Variants in SLC11A2 observed in about 807,000 individuals in gnomAD.
SLC11A2 encodes the protein natural resistance-associated macrophage protein 2.
Under a neutral mutation model 68.0 loss-of-function variants are expected in SLC11A2, and 38 were observed. That is an observed-to-expected ratio of 0.56 (90% confidence interval 0.43 to 0.73). SLC11A2 has a LOEUF of 0.73. SLC11A2 is among the 30% of genes least tolerant of loss of function. The pLI, the probability that SLC11A2 is intolerant of heterozygous loss-of-function variation, is 0.00. For missense variants in SLC11A2, 517 were observed against 690.5 expected (o/e 0.75, Z 2.82); for synonymous variants, 242 against 250.6 (o/e 0.97, Z 0.32).
At chr12:50,956,486 G>A in the SLC11A2 span, among the ~76,000 whole-genome samples, 8 of 152,242 alleles carry the variant, frequency 5.3e-5, no homozygotes, top group African/African-American at 1.7e-4. Context: ...CAGGATGGAG[G>A]GTCCTATGCA....
At position 51,005,450 on chromosome 12, in the gene SLC11A2, G is replaced by A; in HGVS notation, c.184-14C>T. On this transcript the variant is annotated splice_polypyrimidine_tract_variant and intron_variant, in intron 3 of 15. Transcript: ENST00000262052. ...AAAACAAGAGTACTGTACAAGAGAGGAAAAGAGATTAAACTGAACATCACC... is the reference window on the plus strand; with the variant it reads ...AAAACAAGAGTACTGTACAAGAGAGAAAAAGAGATTAAACTGAACATCACC... 1 of 1,613,124 alleles carries A rather than the reference G, an allele frequency of 6.2e-7. No homozygotes were observed. The highest frequency in any genetic ancestry group is 1.3e-5 in the African/African-American group (1 of 74,982).
In SLC11A2 at chr12:50,994,637, C is replaced by T; in HGVS notation, c.991-7G>A. 1 of 1,594,670 alleles carries T rather than the reference C, an allele frequency of 6.3e-7. No homozygotes were observed. Among genetic ancestry groups the T allele is most frequent in the Non-Finnish European group, 8.6e-7 (1 of 1,162,290 alleles). ...TATTTGTACAGACTTCAACCTAGAACCCAAAGCAATTCAACAGCAACTTTT... is the reference window on the plus strand; with the variant it reads ...TATTTGTACAGACTTCAACCTAGAATCCAAAGCAATTCAACAGCAACTTTT... On this transcript the variant is annotated splice_region_variant and splice_polypyrimidine_tract_variant and intron_variant, in intron 10 of 15. Transcript: ENST00000262052.
In SLC11A2 at chr12:51,000,399, C is replaced by T; in HGVS notation, c.450G>A (p.Trp150Ter). The T allele has an allele frequency of 6.2e-7, 1 of 1,613,728 alleles. No homozygotes were observed. The change falls in exon 6 of 16, where the codon TGG (tryptophan) becomes TGA (stop). Residue 150 changes from tryptophan (W) to a stop codon, truncating the protein, a stop_gained. Coordinates refer to ENST00000262052, the MANE Select transcript of SLC11A2 (RefSeq NM_000617.3). LOFTEE classifies it high-confidence loss of function. ...CGATGATAGCCAACTCCACCATCAG[C>T]CACAGGATGACTCGTGGGACCTAAA... ...QYPKVPRVIL[W>*]LMVELAIIGS...
the SLC11A2 span, among the ~76,000 whole-genome samples, chr12:50,952,606 AC>A: frequency 6.6e-6 from 1 of 152,130 alleles, no homozygotes; most frequent in African/African-American, 2.4e-5. Context: ...CAGGTCTCAC[AC>A]ACAGGCGCAG....
chr12:50,955,714 C>G, the SLC11A2 span, among the ~76,000 whole-genome samples: 2 of 152,106 alleles, frequency 1.3e-5, no homozygotes, highest in East Asian at 3.9e-4. Flanking sequence ...ATAATAGCAC[C>G]CATAAGAAAT....
chr12:50,986,505 C>G lies in SLC11A2; in HGVS notation c.*1820G>C. On this transcript the variant is annotated 3_prime_UTR_variant, in exon 16 of 16. Transcript: ENST00000262052. ...CCTAGGCTCCTAAATGCTTGTAAAT[C>G]TGAGACTGACTGGACCCACCCAGAC... 1 of 1,285,022 alleles carries G rather than the reference C, an allele frequency of 7.8e-7. No individual in the cohort carries two copies. Among genetic ancestry groups the G allele is most frequent in the Non-Finnish European group, 1.0e-6 (1 of 986,716 alleles). The allele number at this position is 1,285,022 out of a possible 1,614,324, so 79.6% of individuals were successfully genotyped here.
intron 1 of SLC11A2, among the ~76,000 whole-genome samples, chr12:51,018,475 CT>C (rs1161653236): frequency 2.2e-3 from 316 of 144,896 alleles, no homozygotes; most frequent in Non-Finnish European, 2.2e-3. Context: ...ACAACTTCAA[CT>C]TTTTTTTTTT....
At position 50,988,415 on chromosome 12, in the gene SLC11A2, T is replaced by C. The variant is rs760783598; in HGVS notation, c.1596A>G (p.Ala532=). The change falls in exon 16 of 16, where the codon GCA becomes GCG. Residue 532 remains alanine, a synonymous_variant. Transcript: ENST00000262052. ...VFYLGWQCLI[A]LGMSFLDCGH... is the part of the protein sequence containing the mutation. ...CACAGTCCAGGAAGGACATGCCCAG[T>C]GCAATCAAACATTGCCAACCCTGAA... 3 of 1,613,998 alleles carry C rather than the reference T, an allele frequency of 1.9e-6. No individual in the cohort carries two copies. Among genetic ancestry groups the C allele is most frequent in the Non-Finnish European group, 1.7e-6 (2 of 1,179,880 alleles).
At chr12:50,991,501 C>T (rs1012978238) in intron 14 of SLC11A2, 98 bp downstream of exon 14, 11 of 905,014 alleles carry the variant, frequency 1.2e-5, no homozygotes, top group African/African-American at 8.1e-5. Flanking sequence ...CAAAGCATAT[C>T]GCTTCCCTCT....
At chr12:51,011,302 G>A (rs11169671) in intron 1 of SLC11A2, among the ~76,000 whole-genome samples, 22,308 of 151,582 alleles carry the variant, frequency 0.15, 1,861 homozygotes, top group South Asian at 0.26. Context: ...CCAATTTTTT[G>A]TATTTTTAGT....
the SLC11A2 span, chr12:50,970,378 G>C: frequency 1.2e-6 from 1 of 835,518 alleles, no homozygotes; most frequent in Admixed American, 2.3e-5. Flanking sequence ...AATACAACAA[G>C]TGGAAGAAAT....
upstream of SLC11A2, among the ~76,000 whole-genome samples, chr12:51,027,742 C>G (rs1212024207): frequency 6.6e-6 from 1 of 152,192 alleles, no homozygotes; most frequent in Non-Finnish European, 1.5e-5. Flanking sequence ...ACTCCCCGAC[C>G]CCTCGCACTG....
intron 1 of SLC11A2, chr12:51,025,825 G>A (rs1341813417): frequency 3.0e-6 from 3 of 986,466 alleles, no homozygotes; most frequent in East Asian, 1.1e-4. Context: ...GCTCCCTGAA[G>A]TCGGTTAGGT....
intron 4 of SLC11A2, 43 bp from the exon 5 acceptor site, chr12:51,004,950 A>G (rs1381061080): frequency 1.9e-6 from 3 of 1,610,830 alleles, no homozygotes; most frequent in Non-Finnish European, 2.5e-6. Flanking sequence ...TGAACAACTG[A>G]GTTTTTGTCT....
the SLC11A2 span, among the ~76,000 whole-genome samples, chr12:50,968,627 C>T: frequency 6.6e-6 from 1 of 152,160 alleles, no homozygotes; most frequent in Middle Eastern, 3.4e-3. Flanking sequence ...CTGCAACCTC[C>T]ACCTCCCAGG....
chr12:50,968,447 C>T, the SLC11A2 span, among the ~76,000 whole-genome samples: 8 of 151,946 alleles, frequency 5.3e-5, no homozygotes, highest in African/African-American at 7.3e-5. Flanking sequence ...CGTGCAGTGG[C>T]GTGATCACGG....
At chr12:50,964,512 T>C in the SLC11A2 span, among the ~76,000 whole-genome samples, 11 of 152,260 alleles carry the variant, frequency 7.2e-5, no homozygotes, top group African/African-American at 2.4e-4. Context: ...CAAATTAATA[T>C]AATGAACTAA....
chr12:50,992,749 A>T, intron 12 of SLC11A2, 61 bp downstream of exon 12: 3 of 1,450,908 alleles, frequency 2.1e-6, no homozygotes, highest in Non-Finnish European at 1.9e-6. Context: ...AAAAAAAAGA[A>T]GAAGAAGAAG....
chr12:50,981,608 C>T (rs1386077649), downstream of SLC11A2: 1 of 721,232 alleles, frequency 1.4e-6, no homozygotes, highest in Admixed American at 2.1e-5. Flanking sequence ...AAATCTTTGC[C>T]TTTTGTTCAA....
Sources: allele counts gnomAD v4.1 joint callset (sites outside exome capture counted in the v4.1 genomes callset), GRCh38; gene constraint gnomAD v4.1.1; transcripts MANE v1.5; gene names NCBI Gene and HGNC (gene_info 2026-07-23, HGNC 2026-07-21).